The following POU2F1 variants were observed in gnomAD, a reference collection of about 807,000 sequenced individuals.
POU2F1 encodes the protein POU class 2 homeobox 1, also known as POU domain, class 2, transcription factor 1.
A neutral mutation model predicts 84.9 loss-of-function variants in POU2F1; 16 were observed. That is an observed-to-expected ratio of 0.19 (90% CI 0.13 to 0.29). POU2F1 has a LOEUF of 0.29. POU2F1 is among the 10% of genes least tolerant of loss of function. The pLI, the probability that POU2F1 is intolerant of heterozygous loss-of-function variation, is 1.00. For missense variants in POU2F1, 738 were observed against 942.6 expected (o/e 0.78, Z 2.84); for synonymous variants, 368 against 368.3 (o/e 1.00, Z 0.01).
chr1:167,333,850 C>T (rs909696314), intron 2 of POU2F1, among the ~76,000 whole-genome samples: 17 of 152,254 alleles, frequency 1.1e-4, no homozygotes, highest in South Asian at 2.1e-4. Flanking sequence ...GCACTGGTTC[C>T]TATGCCAGTG....
intron 1 of POU2F1, among the ~76,000 whole-genome samples, chr1:167,303,095 CTTGTA>C (rs776223109): frequency 2.2e-4 from 34 of 151,280 alleles, no homozygotes; most frequent in Non-Finnish European, 4.3e-4. Flanking sequence ...CCAGTAGATA[CTTGTA>C]TTGTATATTA....
intron 1 of POU2F1, among the ~76,000 whole-genome samples, chr1:167,325,956 T>C (rs980966109): frequency 6.6e-6 from 1 of 151,916 alleles, no homozygotes; most frequent in African/African-American, 2.4e-5. Context: ...TGTCCCCTCT[T>C]TTAGAAAATA....
Position 167,396,316 on chromosome 1 carries a change from T to A in POU2F1, c.1018T>A (p.Tyr340Asn). 6.2e-7 allele frequency: 1 copy of A among 1,614,098 alleles called. No individual in the cohort carries two copies. The highest frequency in any genetic ancestry group is 8.5e-7 in the Non-Finnish European group (1 of 1,179,972). The stretch of plus-strand genomic sequence containing the variant: ...TGTTGGGCTCGCTATGGGGAAACTA[T>A]ATGGAAATGACTTCAGCCAAACTAC... ...GDVGLAMGKL[Y>N]GNDFSQTTIS... The change falls in exon 10 of 16, where the codon TAT becomes AAT. Residue 340 changes from tyrosine to asparagine, a missense_variant. Transcript: ENST00000367866.
chr1:167,260,537 G>A (rs772639723), intron 1 of POU2F1, among the ~76,000 whole-genome samples: 8 of 152,052 alleles, frequency 5.3e-5, no homozygotes, highest in Non-Finnish European at 8.8e-5. Context: ...TTTGTGTATG[G>A]TATGAGATGA....
At chr1:167,232,272 A>G (rs372680576) in intron 1 of POU2F1, among the ~76,000 whole-genome samples, 8 of 152,230 alleles carry the variant, frequency 5.3e-5, no homozygotes, top group African/African-American at 1.9e-4. Flanking sequence ...TCTATGGACC[A>G]GTATACAATG....
intron 1 of POU2F1, among the ~76,000 whole-genome samples, chr1:167,256,386 A>C (rs946587330): frequency 8.3e-6 from 1 of 119,798 alleles, no homozygotes; most frequent in African/African-American, 3.2e-5. Flanking sequence ...TTTTTTGCTG[A>C]GTTTGTGTTG....
intron 9 of POU2F1, among the ~76,000 whole-genome samples, chr1:167,390,914 G>A (rs1305401806): frequency 5.9e-5 from 9 of 152,130 alleles, no homozygotes; most frequent in East Asian, 1.9e-4. Context: ...CCAGTTAATC[G>A]AGCAAGAATC....
At chr1:167,383,717 GATAA>G in intron 7 of POU2F1, 136 bp from the exon 8 acceptor site, 1 of 639,746 alleles carries the variant, frequency 1.6e-6, no homozygotes, top group Middle Eastern at 2.7e-4. Flanking sequence ...AGGCAAATAA[GATAA>G]ATAAGAGTTT....
chr1:167,379,063 A>G (rs1011538755), intron 7 of POU2F1: 1 of 152,032 alleles, frequency 6.6e-6, no homozygotes, highest in Non-Finnish European at 1.5e-5. Context: ...AGCTGGGAGT[A>G]CAGTGTGTAC....
intron 1 of POU2F1, among the ~76,000 whole-genome samples, chr1:167,284,135 T>C (rs997151097): frequency 2.6e-5 from 4 of 152,228 alleles, no homozygotes; most frequent in African/African-American, 9.6e-5. Context: ...TTTTATTTCC[T>C]TAATGATTCA....
chr1:167,224,507 T>G (rs570019703), intron 1 of POU2F1, among the ~76,000 whole-genome samples: 1 of 152,364 alleles, frequency 6.6e-6, no homozygotes, highest in African/African-American at 2.4e-5. Context: ...TGGACAAGTT[T>G]GTTCATTTTG....
At chr1:167,283,839 A>G (rs1244730987) in intron 1 of POU2F1, among the ~76,000 whole-genome samples, 1 of 152,210 alleles carries the variant, frequency 6.6e-6, no homozygotes, top group African/African-American at 2.4e-5. Flanking sequence ...TGCTAGGAAT[A>G]TCATAAAGGA....
rs956108578 is a variant in POU2F1, at chr1:167,224,872, A to G, written c.61+3914A>G. On this transcript the variant is annotated intron_variant, in intron 1 of 15. Coordinates refer to ENST00000367866, the MANE Select transcript of POU2F1 (RefSeq NM_002697.4). ...CAGACAGAGTCTTGCTCTGTCTCCC[A>G]GGCTGGAGTGCGTTGGTGCGATCTC... Among the ~76,000 whole-genome samples the G allele has an allele frequency of 2.3e-5, 3 of 130,212 alleles. No homozygotes were observed. The East Asian group carries it at 6.6e-4, about 29-fold the overall frequency. The allele number at this position is 130,212 out of a possible 152,430, so 85.4% of individuals were successfully genotyped here.
rs571990100 is a variant in POU2F1 at position 167,285,642 on chromosome 1, C to T, written c.62-46828C>T. ...TAAAGGTTTTATAGAATCACAAAACCTTAGATTTTAAAGGGATATCAGAGT... is the reference window on the plus strand; with the variant it reads ...TAAAGGTTTTATAGAATCACAAAACTTTAGATTTTAAAGGGATATCAGAGT... On this transcript the variant is annotated intron_variant, in intron 1 of 15. Coordinates refer to ENST00000367866, the MANE Select transcript of POU2F1 (RefSeq NM_002697.4). 2.6e-5 allele frequency among the ~76,000 whole-genome samples: 4 copies of T among 152,080 alleles called. No homozygotes were observed. The South Asian group carries it at 8.3e-4, about 32-fold the overall frequency.
intron 1 of POU2F1, among the ~76,000 whole-genome samples, chr1:167,300,017 C>T (rs1211253800): frequency 6.6e-6 from 1 of 152,128 alleles, no homozygotes; most frequent in East Asian, 1.9e-4. Context: ...TGGTATTAAC[C>T]AAGGTGCCCA....
chr1:167,369,247 A>C (rs975133019), intron 3 of POU2F1, among the ~76,000 whole-genome samples: 3 of 152,186 alleles, frequency 2.0e-5, no homozygotes, highest in African/African-American at 7.2e-5. Context: ...GGGATGCAGC[A>C]TAAGCAATGC....
intron 1 of POU2F1, among the ~76,000 whole-genome samples, chr1:167,235,651 A>G (rs925620868): frequency 6.6e-6 from 1 of 152,194 alleles, no homozygotes; most frequent in Admixed American, 6.5e-5. Flanking sequence ...TGTACACATA[A>G]TTTTTAAAAA....
At chr1:167,291,873 TAAC>T (rs1217516064) in intron 1 of POU2F1, among the ~76,000 whole-genome samples, 1 of 152,146 alleles carries the variant, frequency 6.6e-6, no homozygotes, top group Non-Finnish European at 1.5e-5. Flanking sequence ...ATTATTAGAG[TAAC>T]AACACTGTAG....
chr1:167,362,771 A>G (rs956799555), intron 2 of POU2F1, among the ~76,000 whole-genome samples: 2 of 152,078 alleles, frequency 1.3e-5, no homozygotes, highest in Non-Finnish European at 2.9e-5. Context: ...GGGCTTTGGG[A>G]CCACCTAGGG....
Sources: allele counts gnomAD v4.1 joint callset (sites outside exome capture counted in the v4.1 genomes callset), GRCh38; gene constraint gnomAD v4.1.1; transcripts MANE v1.5; gene names NCBI Gene and HGNC (gene_info 2026-07-23, HGNC 2026-07-21).